The following CRKL variants were observed in gnomAD, a reference collection of about 807,000 sequenced individuals.
CRKL encodes the protein CRK like proto-oncogene, adaptor protein, also known as crk-like protein.
In CRKL, 3 loss-of-function variants were observed where a neutral mutation model predicts 23.0. That is an observed-to-expected ratio of 0.13 (90% CI 0.06 to 0.34). The LOEUF (loss-of-function observed/expected upper bound fraction) is 0.34. CRKL is among the 10% of genes least tolerant of loss of function. The probability of loss-of-function intolerance (pLI) is 1.00; values close to 1 mark genes in which losing one functional copy is unlikely to be tolerated. For synonymous variants in CRKL, 188 were observed against 160.7 expected, an observed-to-expected ratio of 1.17 and a Z score of -1.28; for missense variants, 256 against 394.5, an observed-to-expected ratio of 0.65 and a Z score of 2.97.
chr22:20,918,522 C>G (rs570572934), intron 1 of CRKL, among the ~76,000 whole-genome samples: 1 of 151,118 alleles, frequency 6.6e-6, no homozygotes, highest in African/African-American at 2.4e-5. Context: ...AAAATGCACG[C>G]TTTTTGCCTT....
intron 1 of CRKL, among the ~76,000 whole-genome samples, chr22:20,926,164 A>T (rs1303813440): frequency 1.3e-5 from 2 of 152,208 alleles, no homozygotes; most frequent in Non-Finnish European, 2.9e-5. Flanking sequence ...GTTATAATTA[A>T]TGTAGATGAT....
chr22:20,927,699 C>T (rs544165902), intron 1 of CRKL, among the ~76,000 whole-genome samples: 52 of 148,164 alleles, frequency 3.5e-4, no homozygotes, highest in African/African-American at 1.2e-3. Context: ...AAAAATTAGC[C>T]GGGCGTGGTG....
Position 20,934,055 on chromosome 22 carries a change from C to T in CRKL, c.588C>T (p.Asn196=), listed in dbSNP as rs780282215. ...GAAAGCATGGAAATAGGAATTCCAA[C>T]AGTTATGGGATCCCAGAACCTGCTC... ...PHGKHGNRNS[N]SYGIPEPAHA... Residue 196 remains asparagine, a synonymous_variant, in exon 2 of 3, where the codon AAC becomes AAT. Transcript: ENST00000354336. 6.2e-7 allele frequency: 1 copy of T among 1,614,066 alleles called. No individual in the cohort carries two copies. Among genetic ancestry groups the T allele is most frequent in the African/African-American group, 1.3e-5 (1 of 74,932 alleles).
intron 2 of CRKL, among the ~76,000 whole-genome samples, chr22:20,945,386 A>G (rs1187062882): frequency 6.6e-6 from 1 of 152,104 alleles, no homozygotes; most frequent in Non-Finnish European, 1.5e-5. Flanking sequence ...CTGAATTTGT[A>G]TCTTTTCTTA....
At position 20,949,985 on chromosome 22, in the gene CRKL, A is replaced by G. The variant is rs1922205825; in HGVS notation, c.*140A>G. ...TCTGCAGACTGGCAGTCGCACACAC[A>G]TTTGGAATGCACACAGCGGCTGCCT... On this transcript the variant is annotated 3_prime_UTR_variant, in exon 3 of 3. Coordinates refer to ENST00000354336, the MANE Select transcript of CRKL (RefSeq NM_005207.4). 7.0e-6 allele frequency: 8 copies of G among 1,145,814 alleles called. No individual in the cohort carries two copies. Among genetic ancestry groups the G allele is most frequent in the Non-Finnish European group, 1.2e-6 (1 of 824,042 alleles). The allele number at this position is 1,145,814 out of a possible 1,614,324, so 71.0% of individuals were successfully genotyped here.
At chr22:20,939,921 T>G (rs1327802988) in intron 2 of CRKL, among the ~76,000 whole-genome samples, 1 of 151,794 alleles carries the variant, frequency 6.6e-6, no homozygotes, top group African/African-American at 2.4e-5. Context: ...CCTGAGTAGC[T>G]GGGATTACAG....
chr22:20,943,703 G>T (rs1250396831), intron 2 of CRKL, among the ~76,000 whole-genome samples: 1 of 152,172 alleles, frequency 6.6e-6, no homozygotes, highest in Non-Finnish European at 1.5e-5. Context: ...TCAAAAATCA[G>T]TTGGCCAAGC....
chr22:20,918,412 C>T lies in CRKL; in HGVS notation c.311+167C>T, dbSNP rs560556898. On this transcript the variant is annotated intron_variant, in intron 1 of 2. Transcript: ENST00000354336. ...AGAAAGCTAGTGTCAGGATCTGGGT[C>T]ACTGGATAAGAGGATGCGTTTTTTT... is the stretch of plus-strand genomic sequence containing the variant. Among the ~76,000 whole-genome samples the T allele has an allele frequency of 1.5e-4, 21 of 136,202 alleles. No individual in the cohort carries two copies. The East Asian group carries it at 3.9e-3, about 25-fold the overall frequency. The allele number at this position is 136,202 out of a possible 152,430, so 89.4% of individuals were successfully genotyped here.
chr22:20,937,824 G>T (rs775556979), intron 2 of CRKL, among the ~76,000 whole-genome samples: 6 of 151,812 alleles, frequency 4.0e-5, no homozygotes, highest in Non-Finnish European at 7.4e-5. Context: ...TCCATTTAGT[G>T]GTATTTTGCT....
intron 2 of CRKL, among the ~76,000 whole-genome samples, chr22:20,940,566 C>CT (rs55853175): frequency 0.038 from 5,092 of 134,502 alleles, 126 homozygotes; most frequent in African/African-American, 0.053. Flanking sequence ...TTTGGTGCTC[C>CT]TTTTTTTTTT....
At chr22:20,943,749 C>T (rs1388006668) in intron 2 of CRKL, among the ~76,000 whole-genome samples, 2 of 152,052 alleles carry the variant, frequency 1.3e-5, no homozygotes, top group African/African-American at 2.4e-5. Flanking sequence ...TCCCAGGTAC[C>T]CTGGAGACTG....
At position 20,941,588 on chromosome 22, in the gene CRKL, A is replaced by ATTTTTTT. The variant is rs1198699701; in HGVS notation, c.777+7362_777+7368dup. Among the ~76,000 whole-genome samples, 277 of 33,534 alleles carry ATTTTTTT rather than the reference A, an allele frequency of 8.3e-3. 46 individuals are homozygous for ATTTTTTT. The highest frequency in any genetic ancestry group is 0.03 in the East Asian group (18 of 602). 22.0% of individuals were successfully genotyped at this position (33,534 alleles called of 152,430 possible). A position where few individuals can be genotyped will look rare whatever the true frequency, so the allele number is the denominator to read the frequency against. Reference sequence around the variant, plus strand: ...TGTGTGTGTGTGTGTGTATATATATATTTTTTTTTTTTTTTTTTTTTTTTG... The same window carrying ATTTTTTT: ...TGTGTGTGTGTGTGTGTATATATATATTTTTTTTTTTTTTTTTTTTTTTTTTTTTTTG... On this transcript the variant is annotated intron_variant, in intron 2 of 2. Coordinates refer to ENST00000354336, the MANE Select transcript of CRKL (RefSeq NM_005207.4).
At chr22:20,920,665 C>A (rs1920982604) in intron 1 of CRKL, among the ~76,000 whole-genome samples, 1 of 152,114 alleles carries the variant, frequency 6.6e-6, no homozygotes, top group South Asian at 2.1e-4. Flanking sequence ...TTCGTCCTTC[C>A]TTTACTGCAG....
chr22:20,944,296 A>G (rs1601685093), intron 2 of CRKL, among the ~76,000 whole-genome samples: 3 of 151,778 alleles, frequency 2.0e-5, no homozygotes, highest in East Asian at 3.9e-4. Flanking sequence ...GCCAATATTA[A>G]TATCTTAATC....
chr22:20,921,956 C>T (rs1389564376), intron 1 of CRKL, among the ~76,000 whole-genome samples: 1 of 150,426 alleles, frequency 6.6e-6, no homozygotes, highest in Non-Finnish European at 1.5e-5. Context: ...GATCCGCCCG[C>T]CTCGGCCTCC....
chr22:20,920,161 A>C (rs1009126132), intron 1 of CRKL, among the ~76,000 whole-genome samples: 1 of 152,196 alleles, frequency 6.6e-6, no homozygotes, highest in Non-Finnish European at 1.5e-5. Context: ...TAAGCCATGC[A>C]TATGCTTATG....
chr22:20,918,967 C>T (rs1170308544), intron 1 of CRKL, among the ~76,000 whole-genome samples: 1 of 136,096 alleles, frequency 7.3e-6, no homozygotes, highest in Non-Finnish European at 1.6e-5. Context: ...CCCACCCCCA[C>T]CCCCACCCCT....
chr22:20,953,719 A>G lies in CRKL; in HGVS notation c.*3874A>G, dbSNP rs982323349. On this transcript the variant is annotated 3_prime_UTR_variant, in exon 3 of 3. Coordinates refer to ENST00000354336, the MANE Select transcript of CRKL (RefSeq NM_005207.4). ...TGGCCTGTTTGTATATTGTCTCAAT[A>G]AAACTTGCATCAGCCGGTGGTGGCG... is the stretch of plus-strand genomic sequence containing the variant. The G allele has an allele frequency of 5.3e-6, 1 of 187,522 alleles. No homozygotes were observed. Among genetic ancestry groups the G allele is most frequent in the African/African-American group, 2.3e-5 (1 of 42,792 alleles). 11.6% of individuals were successfully genotyped at this position (187,522 alleles called of 1,614,324 possible).
At chr22:20,921,766 G>A (rs1367602336) in intron 1 of CRKL, among the ~76,000 whole-genome samples, 1 of 151,400 alleles carries the variant, frequency 6.6e-6, no homozygotes, top group East Asian at 1.9e-4. Flanking sequence ...CCAGGCTGGA[G>A]TGTGCGATCT....
Sources: gnomAD v4.1 joint callset for allele counts (sites outside exome capture counted in the v4.1 genomes callset) on GRCh38, gnomAD v4.1.1 for gene constraint, MANE v1.5 for transcripts, NCBI Gene and HGNC (gene_info 2026-07-23, HGNC 2026-07-21) for gene names.